Variants in ULK4 observed in about 807,000 individuals in gnomAD.
ULK4 encodes inactive serine/threonine-protein kinase ULK4.
In ULK4, 133 loss-of-function variants were observed where a neutral mutation model predicts 160.6. That is an observed-to-expected ratio of 0.83 (90% confidence interval 0.72 to 0.96). ULK4 has a LOEUF of 0.96. Among genes scored for constraint, ULK4 ranks in the 40% least tolerant of loss-of-function variants. ULK4 has a pLI of 0.00. For missense variants in ULK4, 1,580 were observed against 1,499.5 expected (o/e 1.05, Z -0.89); for synonymous variants, 534 against 539.8 (o/e 0.99, Z 0.15).
At chr3:41,547,838 C>T (rs934739827) in intron 32 of ULK4, among the ~76,000 whole-genome samples, 9 of 152,190 alleles carry the variant, frequency 5.9e-5, no homozygotes, top group African/African-American at 1.9e-4. Context: ...CTAGCCCATG[C>T]GGTGTCCTAC....
intron 16 of ULK4, among the ~76,000 whole-genome samples, chr3:41,885,865 A>G (rs1195302353): frequency 6.6e-6 from 1 of 152,028 alleles, no homozygotes; most frequent in Non-Finnish European, 1.5e-5. Flanking sequence ...TTTAGTAGAA[A>G]TGGGGTTTCG....
intron 32 of ULK4, among the ~76,000 whole-genome samples, chr3:41,518,690 G>A (rs1338923158): frequency 6.6e-6 from 1 of 152,140 alleles, no homozygotes; most frequent in East Asian, 1.9e-4. Flanking sequence ...AAAAGAGAAG[G>A]CGTTAGAGAT....
intron 34 of ULK4, among the ~76,000 whole-genome samples, chr3:41,419,954 A>G (rs1187313399): frequency 2.0e-5 from 3 of 151,960 alleles, no homozygotes. Context: ...GCCCTGTGCC[A>G]AAGGCTTCCA....
At position 41,772,817 on chromosome 3, in the gene ULK4, C is replaced by G. The variant is rs181808535; in HGVS notation, c.2193+16844G>C. Among the ~76,000 whole-genome samples, 1,301 of 152,244 alleles carry G rather than the reference C, an allele frequency of 8.5e-3. 9 individuals carry two copies. The highest frequency in any genetic ancestry group is 0.013 in the Non-Finnish European group (875 of 68,026). On this transcript the variant is annotated intron_variant, in intron 21 of 36. Transcript: ENST00000301831. The stretch of plus-strand genomic sequence containing the variant: ...CCTGATGAACACTGATGCAAAAATC[C>G]TCAATAAAATACTGACAAACCAAAT...
intron 27 of ULK4, among the ~76,000 whole-genome samples, chr3:41,702,621 T>C (rs1238574834): frequency 6.6e-6 from 1 of 152,024 alleles, no homozygotes; most frequent in Non-Finnish European, 1.5e-5. Context: ...AAAACATTAC[T>C]AGATATAAAG....
intron 17 of ULK4, among the ~76,000 whole-genome samples, chr3:41,876,771 C>T (rs1340819509): frequency 5.9e-5 from 9 of 152,100 alleles, no homozygotes; most frequent in Non-Finnish European, 7.4e-5. Flanking sequence ...GTATACATAT[C>T]ATATGACTCA....
At chr3:41,398,318 T>C in intron 34 of ULK4, 54 bp from the exon 35 acceptor site, 1 of 1,569,070 alleles carries the variant, frequency 6.4e-7, no homozygotes, top group Non-Finnish European at 8.6e-7. Context: ...GTATTAGTAC[T>C]CAAAAAAAAC....
chr3:41,690,445 T>A (rs1412432830), intron 27 of ULK4, among the ~76,000 whole-genome samples: 1 of 151,064 alleles, frequency 6.6e-6, no homozygotes, highest in Non-Finnish European at 1.5e-5. Flanking sequence ...AATAATAAAA[T>A]TAAAAAATAA....
At chr3:41,816,928 C>T (rs148754475) in intron 19 of ULK4, among the ~76,000 whole-genome samples, 155 of 152,252 alleles carry the variant, frequency 1.0e-3, no homozygotes, top group Non-Finnish European at 1.5e-3. Flanking sequence ...CACACACATG[C>T]GCACACACAG....
intron 17 of ULK4, among the ~76,000 whole-genome samples, chr3:41,842,472 G>A (rs908858247): frequency 2.0e-5 from 3 of 152,180 alleles, no homozygotes; most frequent in Non-Finnish European, 4.4e-5. Context: ...GGGCCTTGTG[G>A]TAGGTATTTG....
intron 31 of ULK4, among the ~76,000 whole-genome samples, chr3:41,568,615 T>C (rs2087865592): frequency 6.6e-6 from 1 of 152,212 alleles, no homozygotes; most frequent in South Asian, 2.1e-4. Context: ...CCTCCATACA[T>C]TTCTACCAGT....
At chr3:41,287,807 T>C (rs776302343) in intron 35 of ULK4, among the ~76,000 whole-genome samples, 4 of 152,192 alleles carry the variant, frequency 2.6e-5, no homozygotes, top group Non-Finnish European at 5.9e-5. Context: ...AGAGTCACCC[T>C]GGAAAGGACC....
chr3:41,763,714 C>T (rs1052838490), intron 21 of ULK4, among the ~76,000 whole-genome samples: 5 of 152,152 alleles, frequency 3.3e-5, no homozygotes, highest in Non-Finnish European at 7.3e-5. Flanking sequence ...TTTGGGTATA[C>T]ACCTGCCAGG....
At chr3:41,848,942 C>G (rs530249034) in intron 17 of ULK4, among the ~76,000 whole-genome samples, 30 of 152,310 alleles carry the variant, frequency 2.0e-4, no homozygotes, top group Middle Eastern at 3.4e-3. Flanking sequence ...GGCCATGTGA[C>G]TAGTTCTGGC....
intron 32 of ULK4, among the ~76,000 whole-genome samples, chr3:41,530,007 G>A (rs1052012551): frequency 4.6e-5 from 7 of 152,110 alleles, no homozygotes; most frequent in Non-Finnish European, 7.4e-5. Context: ...GGGTACATGG[G>A]ATTTTTTGCA....
intron 32 of ULK4, among the ~76,000 whole-genome samples, chr3:41,550,199 C>T (rs1005573500): frequency 2.6e-5 from 4 of 151,604 alleles, no homozygotes; most frequent in South Asian, 2.1e-4. Flanking sequence ...TTATTAACTA[C>T]GGTAAACAAT....
chr3:41,783,260 A>G (rs1489732553), intron 21 of ULK4, among the ~76,000 whole-genome samples: 1 of 152,034 alleles, frequency 6.6e-6, no homozygotes, highest in African/African-American at 2.4e-5. Flanking sequence ...AGTCTTAGCC[A>G]GAGCAGTGGC....
At chr3:41,284,659 A>T (rs1366855764) in intron 35 of ULK4, among the ~76,000 whole-genome samples, 1 of 152,164 alleles carries the variant, frequency 6.6e-6, no homozygotes, top group Non-Finnish European at 1.5e-5. Context: ...ATAACATTAG[A>T]AAAAACCATT....
rs116685249 is a variant in ULK4 at position 41,892,100 on chromosome 3, T to C, written c.1577+3418A>G. Among the ~76,000 whole-genome samples the C allele has an allele frequency of 6.6e-3, 1,005 of 152,304 alleles. 12 individuals are homozygous for C. Among genetic ancestry groups the C allele is most frequent in the African/African-American group, 0.023 (963 of 41,566 alleles). ...CTAAATTCATATCTCAAAAAGGCAC[T>C]TGCCACAGTAAAAAGCAACCTATGT... On this transcript the variant is annotated intron_variant, in intron 16 of 36. Transcript: ENST00000301831.
Sources: allele counts gnomAD v4.1 joint callset (sites outside exome capture counted in the v4.1 genomes callset), GRCh38; gene constraint gnomAD v4.1.1; transcripts MANE v1.5; gene names NCBI Gene and HGNC (gene_info 2026-07-23, HGNC 2026-07-21).